KPNA7: variants seen among roughly 807,000 people sequenced by gnomAD.
KPNA7 encodes the protein importin subunit alpha-8.
KPNA7 carries 54 observed loss-of-function variants against 53.7 expected under a neutral mutation model. The observed-to-expected ratio is 1.01, with a 90% CI of 0.81 to 1.26. KPNA7 has a LOEUF of 1.26. Ranked by LOEUF, KPNA7 falls within the 50% of genes most tolerant of loss-of-function variation. The pLI, the probability that KPNA7 is intolerant of heterozygous loss-of-function variation, is 0.00. For missense variants in KPNA7, 640 were observed against 644.5 expected (o/e 0.99, Z 0.07); for synonymous variants, 276 against 259.3 (o/e 1.06, Z -0.62).
intron 10 of KPNA7, among the ~76,000 whole-genome samples, chr7:99,176,103 C>G (rs1798888474): frequency 6.6e-6 from 1 of 151,640 alleles, no homozygotes; most frequent in African/African-American, 2.4e-5. Context: ...TCAAGACCAT[C>G]CTGGCTAACA....
chr7:99,208,896 A>C (rs1790956367), upstream of KPNA7, among the ~76,000 whole-genome samples: 1 of 152,160 alleles, frequency 6.6e-6, no homozygotes, highest in Non-Finnish European at 1.5e-5. Context: ...TCACACCTAT[A>C]ATCCCAGCAC....
intron 6 of KPNA7, among the ~76,000 whole-genome samples, chr7:99,190,802 C>T (rs186564305): frequency 6.6e-6 from 1 of 152,100 alleles, no homozygotes; most frequent in East Asian, 1.9e-4. Context: ...CACGTGCCAC[C>T]ATGCCCAGCT....
chr7:99,192,867 G>A lies in KPNA7; in HGVS notation c.636+152C>T, dbSNP rs143528601. On this transcript the variant is annotated intron_variant, in intron 6 of 10. Coordinates refer to ENST00000327442, the MANE Select transcript of KPNA7 (RefSeq NM_001145715.3). Reference sequence around the variant, plus strand: ...CACTTGGCCTGGTACTGTGGCTCACGTCCATAATCCCAGAACTTTGAGAGG... The same window carrying A: ...CACTTGGCCTGGTACTGTGGCTCACATCCATAATCCCAGAACTTTGAGAGG... 4.8e-3 allele frequency among the ~76,000 whole-genome samples: 735 copies of A among 152,080 alleles called. 9 individuals are homozygous for A. Among genetic ancestry groups the A allele is most frequent in the African/African-American group, 0.015 (642 of 41,476 alleles).
chr7:99,214,635 A>AGAGAG (rs1554473109), intron 1 of KPNA7, among the ~76,000 whole-genome samples: 1 of 2,976 alleles, frequency 3.4e-4, no homozygotes, highest in African/African-American at 3.7e-4. Context: ...TTCAAAGGAA[A>AGAGAG]GAGGGGAGGG....
chr7:99,200,926 C>T (rs1790497575), intron 3 of KPNA7, among the ~76,000 whole-genome samples: 1 of 152,126 alleles, frequency 6.6e-6, no homozygotes, highest in African/African-American at 2.4e-5. Context: ...CGAGATTGTG[C>T]CATTGCATTC....
intron 1 of KPNA7, among the ~76,000 whole-genome samples, chr7:99,213,430 TAAAAAAAAAAAA>T (rs61231738): frequency 2.3e-4 from 17 of 72,908 alleles, no homozygotes; most frequent in Non-Finnish European, 3.9e-4. Flanking sequence ...CCTGGCCTTT[TAAAAAAAAAAAA>T]AAAAAAAAAA....
At chr7:99,218,193 G>A (rs760142511) in intron 1 of KPNA7, among the ~76,000 whole-genome samples, 2 of 152,088 alleles carry the variant, frequency 1.3e-5, no homozygotes, top group Non-Finnish European at 2.9e-5. Flanking sequence ...TAGAGACTGG[G>A]CCTCGCTATG....
At chr7:99,176,065 G>A (rs771877354) in intron 10 of KPNA7, among the ~76,000 whole-genome samples, 20 of 151,550 alleles carry the variant, frequency 1.3e-4, no homozygotes, top group Non-Finnish European at 2.2e-4. Flanking sequence ...TGGGAGGCCC[G>A]AGGCAGGCGG....
chr7:99,206,861 T>C (rs567363415), intron 2 of KPNA7, among the ~76,000 whole-genome samples: 1 of 152,334 alleles, frequency 6.6e-6, no homozygotes, highest in East Asian at 1.9e-4. Flanking sequence ...TCCACAGTTG[T>C]CTGGCTCCTA....
Position 99,188,411 on chromosome 7 carries a change from C to T in KPNA7, c.789G>A (p.Trp263Ter). The T allele has an allele frequency of 1.9e-6, 3 of 1,551,572 alleles. No individual in the cohort carries two copies. Among genetic ancestry groups the T allele is most frequent in the Non-Finnish European group, 2.6e-6 (3 of 1,146,990 alleles). ...AGCCGTCGGTGAGGTAGGACAGTGC[C>T]CAGCAGGCATCCGAGAGAACCTCAC... is the stretch of plus-strand genomic sequence containing the variant. ...QDSEVLSDAC[W>*]ALSYLTDGSN... The change falls in exon 7 of 11, where the codon TGG becomes TGA. Residue 263 changes from tryptophan (W) to a stop codon, truncating the protein, a stop_gained. Transcript: ENST00000327442. LOFTEE classifies it high-confidence loss of function.
chr7:99,193,159 G>C (rs761855471), intron 5 of KPNA7, 58 bp from the exon 6 acceptor site: 43 of 1,121,062 alleles, frequency 3.8e-5, no homozygotes, highest in Non-Finnish European at 5.3e-5. Context: ...CCTGAAGTGG[G>C]TGACTAATTT....
chr7:99,177,832 C>CA, intron 10 of KPNA7, 88 bp downstream of exon 10: 1 of 1,408,820 alleles, frequency 7.1e-7, no homozygotes, highest in Non-Finnish European at 9.6e-7. Flanking sequence ...CTGCCACACG[C>CA]AACAGCCCAG....
intron 1 of KPNA7, 125 bp from the exon 2 acceptor site, chr7:99,207,614 T>C (rs980467067): frequency 1.3e-3 from 9 of 7,104 alleles, no homozygotes; most frequent in African/African-American, 4.0e-3. Context: ...GGAAGCTAGC[T>C]TTTTTTTTTT....
intron 1 of KPNA7, among the ~76,000 whole-genome samples, chr7:99,218,298 A>AT (rs902529184): frequency 1.3e-3 from 196 of 151,416 alleles, no homozygotes; most frequent in African/African-American, 4.4e-3. Flanking sequence ...ATTTTTTCAA[A>AT]TTTTTTTTTC....
chr7:99,175,144 C>T (rs1798851601), intron 10 of KPNA7, among the ~76,000 whole-genome samples: 1 of 152,032 alleles, frequency 6.6e-6, no homozygotes, highest in Admixed American at 6.6e-5. Context: ...TTCATAGGAA[C>T]CATTAACCTG....
At chr7:99,213,130 A>ATTTT (rs71108433) in intron 1 of KPNA7, among the ~76,000 whole-genome samples, 18 of 141,130 alleles carry the variant, frequency 1.3e-4, no homozygotes, top group African/African-American at 4.2e-4. Context: ...GCCAAAAGGG[A>ATTTT]TTTTTTTTTT....
At chr7:99,187,563 T>G (rs1231945414) in intron 7 of KPNA7, among the ~76,000 whole-genome samples, 2 of 148,042 alleles carry the variant, frequency 1.4e-5, no homozygotes, top group East Asian at 4.0e-4. Flanking sequence ...TAATTTTTTT[T>G]TTTTTTTTTT....
intron 10 of KPNA7, among the ~76,000 whole-genome samples, chr7:99,175,525 T>TTTA (rs1584255992): frequency 1.4e-5 from 2 of 143,256 alleles, no homozygotes; most frequent in South Asian, 2.2e-4. Context: ...TTATTTATTA[T>TTTA]TTATTTTGGA....
chr7:99,180,517 G>C (rs371976847), intron 9 of KPNA7, among the ~76,000 whole-genome samples: 4 of 114,324 alleles, frequency 3.5e-5, no homozygotes, highest in East Asian at 5.9e-4. Flanking sequence ...CTCTCTCTCT[G>C]TGTCTCTATC....
Sources: allele counts gnomAD v4.1 joint callset (sites outside exome capture counted in the v4.1 genomes callset), GRCh38; gene constraint gnomAD v4.1.1; transcripts MANE v1.5; gene names NCBI Gene and HGNC (gene_info 2026-07-23, HGNC 2026-07-21).